The following ATP10B variants were observed in gnomAD, a reference collection of about 807,000 sequenced individuals.
ATP10B encodes phospholipid-transporting ATPase VB.
A neutral mutation model predicts 141.2 loss-of-function variants in ATP10B; 122 were observed. The ratio of observed to expected loss-of-function variants is 0.86; its 90% CI spans 0.75 to 1.00. The LOEUF (loss-of-function observed/expected upper bound fraction) is 1.00, where lower values mean the gene tolerates loss of function less well. ATP10B is among the 50% of genes least tolerant of loss of function. The pLI, the probability that ATP10B is intolerant of heterozygous loss-of-function variation, is 0.00. For missense variants in ATP10B, 1,876 were observed against 1,825.3 expected (o/e 1.03, Z -0.51); for synonymous variants, 685 against 692.0 (o/e 0.99, Z 0.16).
At chr5:160,696,854 A>G (rs1764392042) in intron 3 of ATP10B, among the ~76,000 whole-genome samples, 1 of 152,188 alleles carries the variant, frequency 6.6e-6, no homozygotes, top group Admixed American at 6.5e-5. Context: ...AAACAATCTC[A>G]TCATAAATTT....
chr5:160,570,165 GTCTTT>G (rs1754787437), intron 24 of ATP10B, among the ~76,000 whole-genome samples: 2 of 150,924 alleles, frequency 1.3e-5, no homozygotes, highest in Admixed American at 6.6e-5. Flanking sequence ...TCCCATCCTT[GTCTTT>G]TATTTTTATT....
chr5:160,819,021 GATAGCATTAGGAGAT>G (rs1773903180), intron 1 of ATP10B, among the ~76,000 whole-genome samples: 1 of 152,142 alleles, frequency 6.6e-6, no homozygotes, highest in Admixed American at 6.6e-5. Context: ...AGTGGGGACG[GATAGCATTAGGAGAT>G]ATACCTAATG....
intron 24 of ATP10B, among the ~76,000 whole-genome samples, chr5:160,570,826 C>T (rs1162645928): frequency 6.6e-6 from 1 of 152,076 alleles, no homozygotes; most frequent in African/African-American, 2.4e-5. Flanking sequence ...TTTCATTGTT[C>T]TTGAAATTTG....
intron 8 of ATP10B, among the ~76,000 whole-genome samples, chr5:160,645,412 G>C (rs1163896037): frequency 6.6e-6 from 1 of 152,186 alleles, no homozygotes; most frequent in African/African-American, 2.4e-5. Flanking sequence ...GCAGGTCATG[G>C]GTTCCTCTCG....
chr5:160,650,504 T>G (rs73818117), intron 7 of ATP10B, among the ~76,000 whole-genome samples: 3,401 of 152,242 alleles, frequency 0.022, 121 homozygotes, highest in African/African-American at 0.078. Context: ...GTTTAATTGG[T>G]GGTCTGAAGA....
the ATP10B span, among the ~76,000 whole-genome samples, chr5:160,869,237 CCAACT>C: frequency 1.3e-5 from 2 of 152,020 alleles, no homozygotes; most frequent in African/African-American, 4.8e-5. Context: ...CACACTCTGC[CCAACT>C]CAACTGTAAA....
chr5:160,792,336 G>A (rs1771636994), intron 1 of ATP10B, among the ~76,000 whole-genome samples: 1 of 152,110 alleles, frequency 6.6e-6, no homozygotes, highest in South Asian at 2.1e-4. Flanking sequence ...TATCCATATT[G>A]TTCCTTTTAT....
the ATP10B span, among the ~76,000 whole-genome samples, chr5:160,912,926 AAAG>A: frequency 2.6e-5 from 4 of 152,220 alleles, no homozygotes; most frequent in Admixed American, 6.5e-5. Context: ...ACAGTACTGC[AAAG>A]AAGAGAGAAT....
chr5:160,835,142 TA>T (rs1051316601), intron 1 of ATP10B, among the ~76,000 whole-genome samples: 36 of 149,226 alleles, frequency 2.4e-4, no homozygotes, highest in African/African-American at 3.2e-4. Flanking sequence ...TCAGCAAGAT[TA>T]AAAAAAAAAT....
chr5:160,636,860 C>G (rs1759418312), intron 10 of ATP10B, among the ~76,000 whole-genome samples: 1 of 151,350 alleles, frequency 6.6e-6, no homozygotes, highest in Non-Finnish European at 1.5e-5. Context: ...ATATACCCAC[C>G]CTTCCTTCCT....
At chr5:160,892,178 A>G in the ATP10B span, among the ~76,000 whole-genome samples, 1 of 152,320 alleles carries the variant, frequency 6.6e-6, no homozygotes, top group East Asian at 1.9e-4. Flanking sequence ...CATCGCATTT[A>G]GACTAAAACC....
At chr5:160,652,483 G>C (rs996758476) in intron 7 of ATP10B, among the ~76,000 whole-genome samples, 28 of 138,446 alleles carry the variant, frequency 2.0e-4, no homozygotes, top group Non-Finnish European at 1.6e-5. Context: ...ATTCGAGACA[G>C]GGTCTCACTC....
At chr5:160,802,428 A>G (rs971727383) in intron 1 of ATP10B, among the ~76,000 whole-genome samples, 1 of 152,228 alleles carries the variant, frequency 6.6e-6, no homozygotes, top group Admixed American at 6.5e-5. Flanking sequence ...GACATTTGGC[A>G]ATGTCTAGAG....
At chr5:160,758,075 C>T (rs1768762049) in intron 2 of ATP10B, among the ~76,000 whole-genome samples, 2 of 152,064 alleles carry the variant, frequency 1.3e-5, no homozygotes, top group South Asian at 4.2e-4. Flanking sequence ...TTTTTAATAG[C>T]AGGGGGAAAT....
intron 1 of ATP10B, among the ~76,000 whole-genome samples, chr5:160,807,058 A>G (rs1317772549): frequency 6.6e-6 from 1 of 152,212 alleles, no homozygotes; most frequent in Non-Finnish European, 1.5e-5. Context: ...CTAGCAATAA[A>G]TTAGAACCAT....
intron 2 of ATP10B, among the ~76,000 whole-genome samples, chr5:160,733,631 ATGTAACACATATG>A (rs1282877729): frequency 6.6e-6 from 1 of 151,892 alleles, no homozygotes; most frequent in Non-Finnish European, 1.5e-5. Flanking sequence ...TTACACATAT[ATGTAACACATATG>A]TGTAACACAT....
intron 1 of ATP10B, among the ~76,000 whole-genome samples, chr5:160,850,656 CT>C (rs1338038612): frequency 7.2e-5 from 11 of 152,152 alleles, no homozygotes; most frequent in African/African-American, 2.2e-4. Flanking sequence ...AAAGATAAGG[CT>C]CATCGTTTAG....
chr5:160,871,807 G>A, the ATP10B span, among the ~76,000 whole-genome samples: 9 of 152,080 alleles, frequency 5.9e-5, no homozygotes, highest in African/African-American at 2.2e-4. Context: ...TTTTGCAATT[G>A]TGAATTGTGC....
chr5:160,758,503 G>T (rs945573321), intron 2 of ATP10B, among the ~76,000 whole-genome samples: 1 of 152,180 alleles, frequency 6.6e-6, no homozygotes, highest in Non-Finnish European at 1.5e-5. Flanking sequence ...CAGGAGAAGA[G>T]AAGATGCTTA....
Sources: gnomAD v4.1 joint callset for allele counts (sites outside exome capture counted in the v4.1 genomes callset) on GRCh38, gnomAD v4.1.1 for gene constraint, MANE v1.5 for transcripts, NCBI Gene and HGNC (gene_info 2026-07-23, HGNC 2026-07-21) for gene names.